Variants in PAK6 observed in about 807,000 individuals in gnomAD.
The protein encoded by PAK6 is p21 (RAC1) activated kinase 6.
A neutral mutation model predicts 60.8 loss-of-function variants in PAK6; 33 were observed. The observed-to-expected ratio is 0.54, with a 90% CI of 0.41 to 0.73. The LOEUF (loss-of-function observed/expected upper bound fraction) is 0.73. PAK6 is among the 30% of genes least tolerant of loss of function. PAK6 has a pLI of 0.00. For synonymous variants in PAK6, 404 were observed against 378.5 expected, an observed-to-expected ratio of 1.07 and a Z score of -0.78; for missense variants, 845 against 904.1, an observed-to-expected ratio of 0.93 and a Z score of 0.84.
At chr15:40,274,101 C>G (rs1222345182) in intron 9 of PAK6, 41 bp from the exon 10 acceptor site, 1 of 1,611,876 alleles carries the variant, frequency 6.2e-7, no homozygotes, top group African/African-American at 1.3e-5. Context: ...ACCAATGGGC[C>G]AGGGTCTGGC....
At chr15:40,267,820 G>T (rs2039188497) in intron 5 of PAK6, among the ~76,000 whole-genome samples, 1 of 152,192 alleles carries the variant, frequency 6.6e-6, no homozygotes, top group Non-Finnish European at 1.5e-5. Context: ...GTGCCCCTGG[G>T]GAGACTCAGC....
chr15:40,253,229 C>G (rs1566846092), exon 3 of PAK6: 1 of 456,110 alleles, frequency 2.2e-6, no homozygotes. Context: ...CTCCTCAGCG[C>G]CTAAGAGAGA....
At chr15:40,270,397 T>C (rs1256480509) in intron 5 of PAK6, among the ~76,000 whole-genome samples, 1 of 152,096 alleles carries the variant, frequency 6.6e-6, no homozygotes, top group African/African-American at 2.4e-5. Flanking sequence ...CAGTCTCTGC[T>C]CTAGGCTCCC....
exon 6 of PAK6, chr15:40,272,572 C>A (rs544933416): frequency 6.2e-7 from 1 of 1,613,372 alleles, no homozygotes; most frequent in Non-Finnish European, 8.5e-7. Flanking sequence ...CCAGGGTGAC[C>A]CCCGGCTGCT....
exon 5 of PAK6, chr15:40,266,442 G>A: frequency 1.2e-6 from 2 of 1,612,706 alleles, no homozygotes; most frequent in Non-Finnish European, 1.7e-6. Flanking sequence ...CCTGTCCACT[G>A]CTGCCACAGC....
At chr15:40,252,862 C>T (rs1178003514) in intron 2 of PAK6, 1 of 1,254,076 alleles carries the variant, frequency 8.0e-7, no homozygotes, top group African/African-American at 1.6e-5. Context: ...GACCTCCCTC[C>T]GCGGGCGCCC....
chr15:40,266,660 C>A, intron 5 of PAK6, 165 bp downstream of exon 5: 1 of 547,196 alleles, frequency 1.8e-6, no homozygotes. Flanking sequence ...GAGGGTGGCT[C>A]GCCTCCTCCT....
chr15:40,264,484 A>T (rs7162809), intron 3 of PAK6: 11 of 542,870 alleles, frequency 2.0e-5, no homozygotes, highest in Admixed American at 1.1e-4. Flanking sequence ...ATTTTATAAA[A>T]ACACACCCCC....
At chr15:40,266,145 C>T (rs759346423) in exon 5 of PAK6, 7 of 1,609,482 alleles carry the variant, frequency 4.3e-6, no homozygotes, top group Non-Finnish European at 5.9e-6. Context: ...ACGGGTCCTG[C>T]CCAATGGGCT....
chr15:40,253,472 C>T (rs1487804615), intron 3 of PAK6, among the ~76,000 whole-genome samples, 183 bp downstream of exon 3: 3 of 152,252 alleles, frequency 2.0e-5, no homozygotes, highest in Admixed American at 1.3e-4. Flanking sequence ...TGTTAAGTCA[C>T]TTACACCACT....
intron 2 of PAK6, chr15:40,252,875 C>T: frequency 8.0e-7 from 1 of 1,244,438 alleles, no homozygotes. Context: ...GGGCGCCCGC[C>T]CGGCGCGGGG....
Position 40,273,479 on chromosome 15 carries a change from C to G in PAK6, c.1617+7C>G. Reference sequence around the variant, plus strand: ...GCTGACCCTCGATGGCAGGGTAGGTCCCATCCTGTCCCTGGCACAGCCACG... The same window carrying G: ...GCTGACCCTCGATGGCAGGGTAGGTGCCATCCTGTCCCTGGCACAGCCACG... On this transcript the variant is annotated splice_region_variant and intron_variant, in intron 8 of 10. Coordinates refer to ENST00000560346, the Ensembl canonical transcript of PAK6. The G allele has an allele frequency of 6.2e-7, 1 of 1,613,536 alleles. No individual in the cohort carries two copies. The highest frequency in any genetic ancestry group is 1.3e-5 in the African/African-American group (1 of 75,026).
chr15:40,242,800 C>T (rs945379967), intron 2 of PAK6, among the ~76,000 whole-genome samples: 1 of 152,190 alleles, frequency 6.6e-6, no homozygotes, highest in African/African-American at 2.4e-5. Context: ...GGGACCGTGT[C>T]TCTTCCTGGG....
At chr15:40,247,560 G>A (rs1347331086) in intron 2 of PAK6, among the ~76,000 whole-genome samples, 1 of 152,178 alleles carries the variant, frequency 6.6e-6, no homozygotes, top group African/African-American at 2.4e-5. Flanking sequence ...TGTTTGGGGA[G>A]GATGGTTTTA....
At chr15:40,240,765 G>A in intron 2 of PAK6, 84 bp downstream of exon 2, 1 of 394,698 alleles carries the variant, frequency 2.5e-6, no homozygotes, top group Non-Finnish European at 5.1e-6. Context: ...CTCCCACCTG[G>A]GACAGGGAGG....
intron 3 of PAK6, 29 bp downstream of exon 3, chr15:40,253,318 G>C (rs945950715): frequency 6.6e-6 from 3 of 454,282 alleles, no homozygotes; most frequent in East Asian, 6.9e-5. Flanking sequence ...CCCGGCCCTA[G>C]AGCCTTCTGC....
At chr15:40,241,459 C>G (rs1176033294) in intron 2 of PAK6, among the ~76,000 whole-genome samples, 1 of 38,708 alleles carries the variant, frequency 2.6e-5, no homozygotes, top group Non-Finnish European at 4.7e-5. Context: ...CCCACGGGAG[C>G]TCATCTAGCT....
At chr15:40,267,922 C>T (rs529661681) in intron 5 of PAK6, among the ~76,000 whole-genome samples, 2 of 152,130 alleles carry the variant, frequency 1.3e-5, no homozygotes, top group African/African-American at 2.4e-5. Context: ...AGTCCTGCTG[C>T]GAGGCCTCAG....
intron 3 of PAK6, among the ~76,000 whole-genome samples, chr15:40,262,302 G>A (rs149791049): frequency 0.026 from 3,934 of 152,230 alleles, 166 homozygotes; most frequent in African/African-American, 0.089. Context: ...TCAGAAGTTC[G>A]AGACCAGCCT....
Sources: allele counts gnomAD v4.1 joint callset (sites outside exome capture counted in the v4.1 genomes callset), GRCh38; gene constraint gnomAD v4.1.1; transcripts MANE v1.5; gene names NCBI Gene and HGNC (gene_info 2026-07-23, HGNC 2026-07-21).